Variants in NEK11 observed in about 807,000 individuals in gnomAD.
The protein encoded by NEK11 is NIMA related kinase 11.
In NEK11, 72 loss-of-function variants were observed where a neutral mutation model predicts 80.7. That is an observed-to-expected ratio of 0.89 (90% CI 0.74 to 1.08). The LOEUF (loss-of-function observed/expected upper bound fraction) is 1.08. Ranked by LOEUF, NEK11 falls within the 50% of genes least tolerant of loss-of-function variation. The probability of loss-of-function intolerance (pLI) is 0.00; values close to 1 mark genes in which losing one functional copy is unlikely to be tolerated. For synonymous variants in NEK11, 251 were observed against 260.7 expected (o/e 0.96, Z 0.36); for missense variants, 764 against 763.6 (o/e 1.00, Z -0.01).
intron 14 of NEK11, among the ~76,000 whole-genome samples, chr3:131,226,037 G>A (rs985776986): frequency 2.0e-5 from 3 of 152,108 alleles, no homozygotes; most frequent in African/African-American, 4.8e-5. Context: ...ATGAATGAGT[G>A]AGAGAATGAA....
intron 7 of NEK11, among the ~76,000 whole-genome samples, chr3:131,152,030 A>C (rs1018530990): frequency 6.6e-6 from 1 of 152,220 alleles, no homozygotes; most frequent in Non-Finnish European, 1.5e-5. Context: ...TAGGAAGATA[A>C]TATTCAGCTG....
intron 17 of NEK11, among the ~76,000 whole-genome samples, chr3:131,334,707 T>C (rs1292918399): frequency 2.0e-5 from 3 of 151,658 alleles, no homozygotes; most frequent in South Asian, 2.1e-4. Context: ...ATCAACAAAA[T>C]TGATAGACCG....
chr3:131,293,347 A>G (rs1371423019), intron 17 of NEK11, among the ~76,000 whole-genome samples: 2 of 152,090 alleles, frequency 1.3e-5, no homozygotes, highest in African/African-American at 4.8e-5. Context: ...TTATATGATC[A>G]TGTGATATTT....
intron 3 of NEK11, among the ~76,000 whole-genome samples, chr3:131,057,055 T>A (rs71333691): frequency 0.2 from 20,883 of 103,652 alleles, 1,975 homozygotes; most frequent in Middle Eastern, 0.29. Flanking sequence ...ACCCCACAAC[T>A]GTCCCCAGAG....
At chr3:131,255,936 A>G (rs2095807323) in intron 16 of NEK11, among the ~76,000 whole-genome samples, 2 of 152,150 alleles carry the variant, frequency 1.3e-5, no homozygotes, top group South Asian at 4.1e-4. Context: ...TTCTATCGAT[A>G]AATGCTGCTT....
At chr3:131,121,221 T>G in intron 5 of NEK11, among the ~76,000 whole-genome samples, 1 of 152,246 alleles carries the variant, frequency 6.6e-6, no homozygotes, top group Non-Finnish European at 1.5e-5. Context: ...GACCCTCAGC[T>G]GCAGGTCTGC....
intron 3 of NEK11, among the ~76,000 whole-genome samples, chr3:131,074,565 A>G (rs1318140758): frequency 6.6e-6 from 1 of 152,202 alleles, no homozygotes; most frequent in Non-Finnish European, 1.5e-5. Context: ...TAAAAGAGTC[A>G]TATGCTGATT....
At chr3:131,243,412 A>G (rs747378645) in intron 15 of NEK11, 24 bp from the exon 16 acceptor site, 8 of 1,605,266 alleles carry the variant, frequency 5.0e-6, no homozygotes, top group Non-Finnish European at 6.8e-6. Context: ...AGGGAAAATA[A>G]ACATTTCTCC....
chr3:131,066,840 C>CAAAAAA (rs56140132), intron 3 of NEK11, among the ~76,000 whole-genome samples: 2 of 99,756 alleles, frequency 2.0e-5, no homozygotes, highest in Non-Finnish European at 3.8e-5. Flanking sequence ...AGACTTGTCT[C>CAAAAAA]AAAAAAAAAA....
At position 131,029,129 on chromosome 3, in the gene NEK11, G is replaced by GA. The variant is rs546156921; in HGVS notation, c.-96-477dup. On this transcript the variant is annotated intron_variant, in intron 2 of 17. Transcript: ENST00000383366. The stretch of plus-strand genomic sequence containing the variant: ...CAAAAACTGTGGTTTAACATCTACA[G>GA]AAAAAAATAAATCTAAAGGAAACAG... 1.1e-4 allele frequency among the ~76,000 whole-genome samples: 16 copies of GA among 152,150 alleles called. No homozygotes were observed. The East Asian group carries it at 3.1e-3, about 29-fold the overall frequency.
chr3:131,186,171 A>T (rs1284535094), intron 14 of NEK11, among the ~76,000 whole-genome samples: 2 of 152,206 alleles, frequency 1.3e-5, no homozygotes, highest in Non-Finnish European at 2.9e-5. Flanking sequence ...TTTCAACTTT[A>T]ATCACCAGGA....
chr3:131,214,938 A>G (rs1283402189), intron 14 of NEK11, among the ~76,000 whole-genome samples: 2 of 152,128 alleles, frequency 1.3e-5, no homozygotes, highest in African/African-American at 2.4e-5. Flanking sequence ...AAGCTAATCA[A>G]TGTAGTTAAA....
intron 5 of NEK11, among the ~76,000 whole-genome samples, chr3:131,116,097 G>T (rs2081178963): frequency 6.6e-6 from 1 of 151,728 alleles, no homozygotes; most frequent in African/African-American, 2.4e-5. Flanking sequence ...ATTTACATTA[G>T]GTATCTCTCC....
intron 4 of NEK11, among the ~76,000 whole-genome samples, chr3:131,086,906 A>C (rs2076051616): frequency 6.6e-6 from 1 of 152,178 alleles, no homozygotes. Context: ...AAGTGTGTAG[A>C]CTTTGGCATC....
At chr3:131,288,123 T>G (rs1402120218) in intron 17 of NEK11, among the ~76,000 whole-genome samples, 1 of 152,238 alleles carries the variant, frequency 6.6e-6, no homozygotes, top group African/African-American at 2.4e-5. Context: ...AGAGGTCTCC[T>G]CTGCCCACTT....
intron 17 of NEK11, among the ~76,000 whole-genome samples, chr3:131,311,568 C>A (rs1420206809): frequency 6.6e-6 from 1 of 152,146 alleles, no homozygotes; most frequent in Non-Finnish European, 1.5e-5. Context: ...TTATTATGAA[C>A]CTTGAATTAA....
At chr3:131,057,132 G>A (rs1395806704) in intron 3 of NEK11, among the ~76,000 whole-genome samples, 17 of 146,416 alleles carry the variant, frequency 1.2e-4, no homozygotes, top group East Asian at 2.0e-4. Flanking sequence ...GTGAGAACAC[G>A]CGGTGTTTGG....
At chr3:131,061,726 G>A (rs1344582173) in intron 3 of NEK11, among the ~76,000 whole-genome samples, 1 of 152,074 alleles carries the variant, frequency 6.6e-6, no homozygotes, top group Non-Finnish European at 1.5e-5. Context: ...ATATTGACCG[G>A]AGCCCAAAAG....
chr3:131,104,687 C>T (rs370448458), intron 4 of NEK11, among the ~76,000 whole-genome samples: 4 of 152,194 alleles, frequency 2.6e-5, no homozygotes, highest in African/African-American at 7.2e-5. Context: ...ACGAGAGAGC[C>T]TGAGCTCCTT....
Sources: gnomAD v4.1 joint callset for allele counts (sites outside exome capture counted in the v4.1 genomes callset) on GRCh38, gnomAD v4.1.1 for gene constraint, MANE v1.5 for transcripts, NCBI Gene and HGNC (gene_info 2026-07-23, HGNC 2026-07-21) for gene names.